The following POLR3B variants were observed in gnomAD, a reference collection of about 807,000 sequenced individuals.
The protein encoded by POLR3B is DNA-directed RNA polymerase III subunit RPC2.
POLR3B carries 96 observed loss-of-function variants against 147.4 expected under a neutral mutation model. The observed-to-expected ratio is 0.65, with a 90% confidence interval of 0.55 to 0.77. POLR3B has a LOEUF of 0.77. Among genes scored for constraint, POLR3B ranks in the 30% least tolerant of loss-of-function variants. The pLI is 0.00. For synonymous variants in POLR3B, 461 were observed against 485.9 expected, an observed-to-expected ratio of 0.95 and a Z score of 0.67; for missense variants, 1,036 against 1,413.5, an observed-to-expected ratio of 0.73 and a Z score of 4.28.
chr12:106,509,507 G>GTA lies in POLR3B; in HGVS notation c.3360_3361insTA (p.Asn1121Ter). The GTA allele has an allele frequency of 6.2e-7, 1 of 1,613,184 alleles. No individual in the cohort carries two copies. Among genetic ancestry groups the GTA allele is most frequent in the Non-Finnish European group, 8.5e-7 (1 of 1,179,244 alleles). Reference sequence around the variant, plus strand: ...TGCTCTTCCAGGAACTACAGTCTATGAACATCATCCCCAGGTTAAAACTGT... The same window carrying GTA: ...TGCTCTTCCAGGAACTACAGTCTATGTAAACATCATCCCCAGGTTAAAACTGT... On this transcript the variant is annotated frameshift_variant, in exon 28 of 28. Coordinates refer to ENST00000228347, the MANE Select transcript of POLR3B (RefSeq NM_018082.6). LOFTEE classifies it high-confidence loss of function.
chr12:106,424,547 A>G (rs763563225), intron 12 of POLR3B, among the ~76,000 whole-genome samples: 2 of 152,172 alleles, frequency 1.3e-5, no homozygotes, highest in African/African-American at 2.4e-5. Context: ...AATAAAGAGT[A>G]CTTTCATTGT....
At chr12:106,436,108 T>A (rs2037572961) in intron 16 of POLR3B, among the ~76,000 whole-genome samples, 1 of 152,202 alleles carries the variant, frequency 6.6e-6, no homozygotes, top group African/African-American at 2.4e-5. Context: ...CTCACCCAGT[T>A]CATTTTTCAA....
intron 2 of POLR3B, among the ~76,000 whole-genome samples, chr12:106,365,949 A>G (rs955421079): frequency 7.2e-5 from 11 of 152,056 alleles, no homozygotes; most frequent in Non-Finnish European, 5.9e-5. Flanking sequence ...ACTGTCTTCC[A>G]TCTCCATGCC....
intron 18 of POLR3B, among the ~76,000 whole-genome samples, chr12:106,440,122 A>AT (rs1292485617): frequency 1.3e-5 from 2 of 152,154 alleles, no homozygotes; most frequent in Non-Finnish European, 2.9e-5. Context: ...TAGTAGCCCC[A>AT]TAAATGACAG....
intron 9 of POLR3B, among the ~76,000 whole-genome samples, chr12:106,384,953 G>C (rs1435039054): frequency 6.6e-6 from 1 of 151,624 alleles, no homozygotes; most frequent in Non-Finnish European, 1.5e-5. Flanking sequence ...AGCCTCCCAA[G>C]TAGCTGCGAT....
chr12:106,423,273 T>C (rs2037395239), intron 12 of POLR3B, among the ~76,000 whole-genome samples: 1 of 152,214 alleles, frequency 6.6e-6, no homozygotes, highest in South Asian at 2.1e-4. Flanking sequence ...TTATCTCAGA[T>C]GTCAAATCAC....
At chr12:106,365,091 C>T (rs527275782) in intron 2 of POLR3B, among the ~76,000 whole-genome samples, 11 of 152,102 alleles carry the variant, frequency 7.2e-5, no homozygotes, top group South Asian at 4.2e-4. Context: ...GCCGAGATCG[C>T]GCCACTGCAC....
At chr12:106,470,279 G>A (rs146115283) in intron 23 of POLR3B, among the ~76,000 whole-genome samples, 16 of 151,986 alleles carry the variant, frequency 1.1e-4, no homozygotes, top group African/African-American at 1.7e-4. Context: ...CGAAGTTCTC[G>A]TACTGTGGTT....
rs1565895295 is a variant in POLR3B at position 106,433,891 on chromosome 12, A to G, written c.1781+19A>G. 1.2e-6 allele frequency: 2 copies of G among 1,601,546 alleles called. No homozygotes were observed. Among genetic ancestry groups the G allele is most frequent in the Non-Finnish European group, 1.7e-6 (2 of 1,169,714 alleles). On this transcript the variant is annotated intron_variant, in intron 16 of 27. Transcript: ENST00000228347. ...TATGCAGGTATATATGCAGGTTACT[A>G]AAAAGAGTTTTTAAGAATCTCTTTA...
At chr12:106,505,061 G>A (rs2038664439) in intron 27 of POLR3B, among the ~76,000 whole-genome samples, 1 of 152,174 alleles carries the variant, frequency 6.6e-6, no homozygotes, top group African/African-American at 2.4e-5. Context: ...AGTAAATCAT[G>A]TCATTTGTAA....
At chr12:106,446,305 G>A (rs1315905201) in intron 19 of POLR3B, 1 of 454,318 alleles carries the variant, frequency 2.2e-6, no homozygotes, top group Admixed American at 2.4e-5. Context: ...CAGTGTGTTT[G>A]AAGATCGAAA....
intron 12 of POLR3B, among the ~76,000 whole-genome samples, chr12:106,417,965 G>A (rs2037328702): frequency 6.6e-6 from 1 of 152,152 alleles, no homozygotes; most frequent in Non-Finnish European, 1.5e-5. Flanking sequence ...TATAAACAAT[G>A]TAAAGACATA....
chr12:106,471,749 ATT>A (rs1037813424), intron 23 of POLR3B, among the ~76,000 whole-genome samples: 21 of 152,302 alleles, frequency 1.4e-4, no homozygotes, highest in Admixed American at 3.3e-4. Flanking sequence ...AGTGAATGAA[ATT>A]GGAGGTAGGG....
chr12:106,480,886 T>C (rs1337005788), intron 23 of POLR3B, among the ~76,000 whole-genome samples: 1 of 127,516 alleles, frequency 7.8e-6, no homozygotes, highest in Non-Finnish European at 1.6e-5. Flanking sequence ...GATTGAAAGC[T>C]GGGAGGGGGG....
rs369375037 is a variant in POLR3B at position 106,369,322 on chromosome 12, A to G, written c.275A>G (p.Asn92Ser). Residue 92 changes from asparagine to serine, a missense_variant, in exon 5 of 28, where the codon AAT becomes AGT. Physicochemically the swap from Asn to Ser is conservative, Grantham distance 46. Coordinates refer to ENST00000228347, the MANE Select transcript of POLR3B (RefSeq NM_018082.6). ...VGLPDVEESF[N>S]VTRPVSPHEC... ...CTTCCTGATGTTGAAGAAAGCTTCA[A>G]TGTAACTAGACCAGTGTCCCCTCAT... is the stretch of plus-strand genomic sequence containing the variant. The G allele has an allele frequency of 1.7e-5, 28 of 1,600,484 alleles. No individual in the cohort carries two copies. Among genetic ancestry groups the G allele is most frequent in the Middle Eastern group, 1.7e-4 (1 of 6,058 alleles).
At chr12:106,483,673 C>T (rs1387364367) in intron 23 of POLR3B, among the ~76,000 whole-genome samples, 3 of 152,070 alleles carry the variant, frequency 2.0e-5, no homozygotes, top group Non-Finnish European at 4.4e-5. Context: ...TTGATTGTGG[C>T]CTGTGAAGGG....
intron 10 of POLR3B, among the ~76,000 whole-genome samples, chr12:106,398,930 C>T (rs1241500330): frequency 6.6e-6 from 1 of 152,290 alleles, no homozygotes; most frequent in Non-Finnish European, 1.5e-5. Flanking sequence ...CAGCACCTCT[C>T]CTCCTCCAAA....
At chr12:106,485,216 T>C (rs1324904043) in intron 23 of POLR3B, among the ~76,000 whole-genome samples, 1 of 152,188 alleles carries the variant, frequency 6.6e-6, no homozygotes, top group Admixed American at 6.5e-5. Flanking sequence ...GAGAGCTTGC[T>C]TTTATAACCA....
chr12:106,376,504 C>A, intron 7 of POLR3B, 54 bp downstream of exon 7: 2 of 1,226,546 alleles, frequency 1.6e-6, no homozygotes, highest in Non-Finnish European at 1.2e-6. Flanking sequence ...TATTCTGCTG[C>A]TGCTGTGGTT....
Sources: allele counts gnomAD v4.1 joint callset (sites outside exome capture counted in the v4.1 genomes callset), GRCh38; gene constraint gnomAD v4.1.1; transcripts MANE v1.5; gene names NCBI Gene and HGNC (gene_info 2026-07-23, HGNC 2026-07-21).